TRAM2: variants seen among roughly 807,000 people sequenced by gnomAD.
The protein encoded by TRAM2 is translocating chain-associated membrane protein 2.
TRAM2 carries 12 observed loss-of-function variants against 51.0 expected under a neutral mutation model. That is an observed-to-expected ratio of 0.24 (90% CI 0.15 to 0.38). The LOEUF (loss-of-function observed/expected upper bound fraction) is 0.38. Among genes scored for constraint, TRAM2 ranks in the 10% least tolerant of loss-of-function variants. The probability of loss-of-function intolerance (pLI) is 1.00; values close to 1 mark genes in which losing one functional copy is unlikely to be tolerated. For missense variants in TRAM2, 361 were observed against 462.0 expected (o/e 0.78, Z 2.00); for synonymous variants, 175 against 179.4 (o/e 0.98, Z 0.20).
intron 1 of TRAM2, among the ~76,000 whole-genome samples, chr6:52,561,370 C>T (rs889610119): frequency 6.6e-6 from 1 of 152,188 alleles, no homozygotes; most frequent in African/African-American, 2.4e-5. Flanking sequence ...GCAACTTCTG[C>T]CTCCCAGACT....
intron 1 of TRAM2, among the ~76,000 whole-genome samples, chr6:52,568,678 C>G (rs946858429): frequency 6.6e-6 from 1 of 152,176 alleles, no homozygotes; most frequent in Non-Finnish European, 1.5e-5. Context: ...GAGGTAGGTA[C>G]GTCCTTCTCC....
intron 2 of TRAM2, among the ~76,000 whole-genome samples, chr6:52,518,754 C>G (rs1409389692): frequency 2.6e-5 from 4 of 152,154 alleles, no homozygotes; most frequent in African/African-American, 4.8e-5. Context: ...CTCCACTCTA[C>G]CACATGTGAC....
intron 4 of TRAM2, 180 bp downstream of exon 4, chr6:52,515,826 T>C (rs1185726989): frequency 3.2e-6 from 2 of 621,976 alleles, no homozygotes; most frequent in African/African-American, 3.6e-5. Flanking sequence ...TGTAATACCA[T>C]GAGGATGCAA....
At chr6:52,561,791 A>C (rs1339874815) in intron 1 of TRAM2, among the ~76,000 whole-genome samples, 2 of 151,474 alleles carry the variant, frequency 1.3e-5, no homozygotes, top group Non-Finnish European at 2.9e-5. Context: ...GCCTGGTCCT[A>C]GAGACGGAGT....
intron 2 of TRAM2, chr6:52,524,840 C>T (rs1049651285): frequency 6.6e-6 from 1 of 152,042 alleles, no homozygotes; most frequent in African/African-American, 2.4e-5. Flanking sequence ...TGTCATATGA[C>T]CCAGGGTCCC....
At chr6:52,545,035 C>G (rs1265623680) in intron 1 of TRAM2, among the ~76,000 whole-genome samples, 1 of 152,200 alleles carries the variant, frequency 6.6e-6, no homozygotes, top group East Asian at 1.9e-4. Context: ...ATTAGACTAA[C>G]TTGAAAGTGG....
intron 1 of TRAM2, among the ~76,000 whole-genome samples, chr6:52,564,531 C>T (rs1305733645): frequency 6.6e-6 from 1 of 152,102 alleles, no homozygotes; most frequent in Non-Finnish European, 1.5e-5. Context: ...TGCCCCATGC[C>T]CCTTGAGCCT....
chr6:52,564,189 T>A (rs1278604715), intron 1 of TRAM2, among the ~76,000 whole-genome samples: 3 of 152,094 alleles, frequency 2.0e-5, no homozygotes, highest in Admixed American at 2.0e-4. Context: ...GTGAAACACC[T>A]CTTTCCTTGG....
chr6:52,561,652 A>G (rs1038626534), intron 1 of TRAM2, among the ~76,000 whole-genome samples: 2 of 146,898 alleles, frequency 1.4e-5, no homozygotes, highest in Non-Finnish European at 3.0e-5. Flanking sequence ...CGCCCGGCTA[A>G]TTTTTTTTTT....
rs866019634 is a variant in TRAM2, at chr6:52,498,613, T to A, written c.*4584A>T. Reference sequence around the variant, plus strand: ...GGGCTTCTCTTAATAGGTATGCTTGTGGTTGGGCCACCTCACAGACTTCCA... The same window carrying A: ...GGGCTTCTCTTAATAGGTATGCTTGAGGTTGGGCCACCTCACAGACTTCCA... On this transcript the variant is annotated 3_prime_UTR_variant, in exon 11 of 11. Transcript: ENST00000182527. 3.3e-5 allele frequency: 5 copies of A among 152,308 alleles called. No homozygotes were observed. The highest frequency in any genetic ancestry group is 1.2e-4 in the African/African-American group (5 of 41,402). The allele number at this position is 152,308 out of a possible 1,614,324, so 9.4% of individuals were successfully genotyped here.
intron 4 of TRAM2, among the ~76,000 whole-genome samples, chr6:52,515,441 C>A (rs751787336): frequency 6.6e-6 from 1 of 152,202 alleles, no homozygotes; most frequent in Non-Finnish European, 1.5e-5. Context: ...TTTGTTGAAA[C>A]GGCATTGACT....
intron 4 of TRAM2, among the ~76,000 whole-genome samples, chr6:52,509,849 G>A (rs1030604773): frequency 2.6e-5 from 4 of 152,150 alleles, no homozygotes; most frequent in Admixed American, 6.5e-5. Context: ...TCTGACAAGC[G>A]AATTAGTCTT....
At chr6:52,574,499 A>C (rs1216156390) in intron 1 of TRAM2, among the ~76,000 whole-genome samples, 1 of 152,198 alleles carries the variant, frequency 6.6e-6, no homozygotes, top group African/African-American at 2.4e-5. Flanking sequence ...GCACAGACTG[A>C]TGATCTCACA....
intron 9 of TRAM2, among the ~76,000 whole-genome samples, chr6:52,505,035 G>A (rs1028568996): frequency 2.0e-5 from 3 of 152,272 alleles, no homozygotes; most frequent in African/African-American, 7.2e-5. Context: ...TGACGAGGGA[G>A]GGGTCCATGG....
chr6:52,504,688 C>A lies in TRAM2; in HGVS notation c.942G>T (p.Gln314His), dbSNP rs1251629972. 1 of 1,613,444 alleles carries A rather than the reference C, an allele frequency of 6.2e-7. No individual in the cohort carries two copies. The highest frequency in any genetic ancestry group is 2.2e-5 in the East Asian group (1 of 44,868). ...AWLMWRFIHS[Q>H]LRHWREYWNE... Reference sequence around the variant, plus strand: ...TCCAGTATTCCCGCCAGTGCCGCAGCTGGGAGTGGATGAAGCGCCACATGA... The same window carrying A: ...TCCAGTATTCCCGCCAGTGCCGCAGATGGGAGTGGATGAAGCGCCACATGA... The change falls in exon 10 of 11, where the codon CAG becomes CAT. Residue 314 changes from glutamine to histidine, a missense_variant. Coordinates refer to ENST00000182527, the MANE Select transcript of TRAM2 (RefSeq NM_012288.4).
intron 1 of TRAM2, among the ~76,000 whole-genome samples, chr6:52,555,198 T>A (rs1767382506): frequency 6.6e-6 from 1 of 152,170 alleles, no homozygotes; most frequent in South Asian, 2.1e-4. Context: ...CTTTCCAGCA[T>A]CCCTTGGCTG....
In TRAM2 at chr6:52,506,131, C is replaced by A; in HGVS notation, c.632G>T (p.Ser211Ile). The change falls in exon 8 of 11, where the codon AGC becomes ATC. Residue 211 changes from serine (S) to isoleucine (I), a missense_variant. By Grantham distance (142) the Ser-to-Ile change is moderately radical. Transcript: ENST00000182527. ...CAGCAGCAAGATCAGGCCCAGGCGG[C>A]TCAGGCTGGGGGTGGGGAAGACTAG... ...HIAGAYLLNL[S>I]RLGLILLLLQ... 1 of 1,613,654 alleles carries A rather than the reference C, an allele frequency of 6.2e-7. No homozygotes were observed. Among genetic ancestry groups the A allele is most frequent in the Non-Finnish European group, 8.5e-7 (1 of 1,179,924 alleles).
intron 1 of TRAM2, among the ~76,000 whole-genome samples, chr6:52,567,269 G>C (rs1366707494): frequency 6.6e-6 from 1 of 152,208 alleles, no homozygotes; most frequent in Admixed American, 6.5e-5. Flanking sequence ...TGTCATGCCT[G>C]AAGTTATCTG....
At chr6:52,553,050 C>T (rs1384958518) in intron 1 of TRAM2, among the ~76,000 whole-genome samples, 1 of 152,158 alleles carries the variant, frequency 6.6e-6, no homozygotes, top group Admixed American at 6.5e-5. Context: ...CCTTCCTCCC[C>T]TCCCACTATC....
Sources: allele counts gnomAD v4.1 joint callset (sites outside exome capture counted in the v4.1 genomes callset), GRCh38; gene constraint gnomAD v4.1.1; transcripts MANE v1.5; gene names NCBI Gene and HGNC (gene_info 2026-07-23, HGNC 2026-07-21).